DNAI1: variants seen among roughly 807,000 people sequenced by gnomAD.
DNAI1 encodes dynein axonemal intermediate chain 1.
A neutral mutation model predicts 92.0 loss-of-function variants in DNAI1; 67 were observed. The observed-to-expected ratio is 0.73, with a 90% CI of 0.60 to 0.89. The LOEUF (loss-of-function observed/expected upper bound fraction) is 0.89. Among genes scored for constraint, DNAI1 ranks in the 40% least tolerant of loss-of-function variants. The pLI, the probability that DNAI1 is intolerant of heterozygous loss-of-function variation, is 0.00. For missense variants in DNAI1, 839 were observed against 866.6 expected (o/e 0.97, Z 0.40); for synonymous variants, 323 against 319.6 (o/e 1.01, Z -0.11).
At chr9:34,508,633 G>T (rs1564040213) in intron 13 of DNAI1, among the ~76,000 whole-genome samples, 1 of 152,116 alleles carries the variant, frequency 6.6e-6, no homozygotes, top group Admixed American at 6.5e-5. Flanking sequence ...AGCATCTCTG[G>T]TTGGCCTGAC....
rs1345403701 is a variant in DNAI1, at chr9:34,514,466, TG to T, written c.1644del (p.Trp548Ter). 2 of 1,614,130 alleles carry T rather than the reference TG, an allele frequency of 1.2e-6. No homozygotes were observed. Among genetic ancestry groups the T allele is most frequent in the Non-Finnish European group, 1.7e-6 (2 of 1,180,052 alleles). On this transcript the variant is annotated frameshift_variant, in exon 17 of 20. Coordinates refer to ENST00000242317, the MANE Select transcript of DNAI1 (RefSeq NM_012144.4). LOFTEE classifies it high-confidence loss of function. ...AHNMSVDTVS[W>X]NPYHTKVFMS... ...CAACATGTCAGTGGACACTGTGTCC[TG>T]GAACCCATACCACACCAAGGTCTTC...
In DNAI1 at chr9:34,506,864, C is replaced by T; in HGVS notation, c.1301C>T (p.Pro434Leu). The change falls in exon 13 of 20, where the codon CCT becomes CTT. Residue 434 changes from proline to leucine, a missense_variant. Transcript: ENST00000242317. ...SSAKSGKHSD[P>L]VWQVKWQKDD... ...GCCAAGTCTGGCAAGCACTCAGACC[C>T]TGTGTGGCAGGTCAGCAACCAGGCT... is the stretch of plus-strand genomic sequence containing the variant. 1 of 1,614,000 alleles carries T rather than the reference C, an allele frequency of 6.2e-7. No homozygotes were observed. Among genetic ancestry groups the T allele is most frequent in the Non-Finnish European group, 8.5e-7 (1 of 1,180,002 alleles).
chr9:34,476,586 G>A (rs1401304690), intron 1 of DNAI1, among the ~76,000 whole-genome samples: 2 of 152,314 alleles, frequency 1.3e-5, no homozygotes, highest in East Asian at 3.9e-4. Flanking sequence ...GGGGTTAAAG[G>A]CCCAGAGAGG....
At chr9:34,516,056 T>G (rs772389931) in intron 18 of DNAI1, among the ~76,000 whole-genome samples, 2 of 152,188 alleles carry the variant, frequency 1.3e-5, no homozygotes, top group Admixed American at 6.5e-5. Context: ...CAGGAAAGGC[T>G]TCTTTGAAGA....
intron 4 of DNAI1, chr9:34,489,070 GT>G: frequency 2.4e-6 from 1 of 423,372 alleles, no homozygotes; most frequent in South Asian, 2.1e-5. Flanking sequence ...GCCACTTGAG[GT>G]TGGAAAGGCA....
chr9:34,469,187 A>G (rs1199088628), intron 1 of DNAI1, among the ~76,000 whole-genome samples: 1 of 152,034 alleles, frequency 6.6e-6, no homozygotes, highest in Non-Finnish European at 1.5e-5. Context: ...CAAATTGCAT[A>G]CAGGGAAACA....
intron 9 of DNAI1, among the ~76,000 whole-genome samples, chr9:34,493,558 C>G (rs1824656743): frequency 6.6e-6 from 1 of 151,630 alleles, no homozygotes; most frequent in Non-Finnish European, 1.5e-5. Flanking sequence ...AGCAGTATTT[C>G]AGAATTATTG....
chr9:34,493,146 G>C, intron 8 of DNAI1, 48 bp from the exon 9 acceptor site: 1 of 1,613,914 alleles, frequency 6.2e-7, no homozygotes, highest in Non-Finnish European at 8.5e-7. Flanking sequence ...AGCTGTCTGG[G>C]TAAAGATTGC....
In DNAI1 at chr9:34,520,719, T is replaced by C; in HGVS notation, c.2063T>C (p.Leu688Pro). The part of the protein sequence containing the change: ...PAVEIAKLDK[L>P]LNLVREVKIK... ...GTGGAGATTGCGAAACTGGACAAACTGCTGAACCTGGTGAGGGAAGTGAAA... is the reference window on the plus strand; with the variant it reads ...GTGGAGATTGCGAAACTGGACAAACCGCTGAACCTGGTGAGGGAAGTGAAA... Residue 688 changes from leucine (L) to proline (P), a missense_variant, in exon 20 of 20, where the codon CTG becomes CCG. Transcript: ENST00000242317. 6.4e-7 allele frequency: 1 copy of C among 1,551,648 alleles called. No homozygotes were observed. The highest frequency in any genetic ancestry group is 8.7e-7 in the Non-Finnish European group (1 of 1,146,984).
intron 12 of DNAI1, among the ~76,000 whole-genome samples, chr9:34,506,401 C>G (rs1234073486): frequency 6.6e-6 from 1 of 152,184 alleles, no homozygotes; most frequent in Non-Finnish European, 1.5e-5. Context: ...TAAACCTGGT[C>G]ACCTTGATTG....
In DNAI1 at chr9:34,465,185, T is replaced by C. The variant is rs545127737; in HGVS notation, c.48+6132T>C. 2.0e-5 allele frequency among the ~76,000 whole-genome samples: 3 copies of C among 152,340 alleles called. 1 individual carries two copies. The South Asian group carries it at 6.2e-4, about 32-fold the overall frequency. On this transcript the variant is annotated intron_variant, in intron 1 of 19. Transcript: ENST00000242317. Reference sequence around the variant, plus strand: ...TGAGCTAAGAAGGCAGTAAGAACTATGTAGGCAAAGATTGTTTTTTTAAGA... The same window carrying C: ...TGAGCTAAGAAGGCAGTAAGAACTACGTAGGCAAAGATTGTTTTTTTAAGA...
At chr9:34,509,276 G>T (rs982737433) in intron 13 of DNAI1, among the ~76,000 whole-genome samples, 1 of 152,120 alleles carries the variant, frequency 6.6e-6, no homozygotes, top group Non-Finnish European at 1.5e-5. Flanking sequence ...GTACAAAGGG[G>T]TCACATGTGC....
chr9:34,491,586 C>G, intron 8 of DNAI1, 32 bp downstream of exon 8: 3 of 1,612,172 alleles, frequency 1.9e-6, no homozygotes, highest in Non-Finnish European at 2.5e-6. Flanking sequence ...AAACCTCTTA[C>G]CACCCACCTC....
At chr9:34,507,631 A>G (rs1824964085) in intron 13 of DNAI1, among the ~76,000 whole-genome samples, 2 of 152,202 alleles carry the variant, frequency 1.3e-5, no homozygotes, top group Admixed American at 6.5e-5. Flanking sequence ...ATGTTGGTCA[A>G]GGGTCAACTG....
At chr9:34,486,419 C>T (rs1305584597) in intron 4 of DNAI1, among the ~76,000 whole-genome samples, 1 of 151,918 alleles carries the variant, frequency 6.6e-6, no homozygotes, top group African/African-American at 2.4e-5. Context: ...TTGTCTGACT[C>T]CAAAGCAACA....
intron 18 of DNAI1, among the ~76,000 whole-genome samples, chr9:34,515,984 TGAAAAAGAAAAAAA>T (rs1046885705): frequency 2.8e-4 from 42 of 151,632 alleles, no homozygotes; most frequent in African/African-American, 9.9e-4. Flanking sequence ...GGCCAGGCAA[TGAAAAAGAAAAAAA>T]GAAAAAGAAA....
chr9:34,491,863 T>C (rs1824606257), intron 8 of DNAI1, among the ~76,000 whole-genome samples: 1 of 152,174 alleles, frequency 6.6e-6, no homozygotes, highest in South Asian at 2.1e-4. Context: ...TTCGATGGAC[T>C]CTCTGGAACC....
At chr9:34,485,019 T>C in intron 2 of DNAI1, 123 bp from the exon 3 acceptor site, 1 of 916,430 alleles carries the variant, frequency 1.1e-6, no homozygotes, top group Non-Finnish European at 1.8e-6. Context: ...TGTTATACAT[T>C]TTGTATTCTA....
chr9:34,469,857 G>A (rs1824106819), intron 1 of DNAI1, among the ~76,000 whole-genome samples: 1 of 152,186 alleles, frequency 6.6e-6, no homozygotes, highest in African/African-American at 2.4e-5. Flanking sequence ...TGAGATTACA[G>A]GCGTGAGCCA....
Sources: allele counts gnomAD v4.1 joint callset (sites outside exome capture counted in the v4.1 genomes callset), GRCh38; gene constraint gnomAD v4.1.1; transcripts MANE v1.5; gene names NCBI Gene and HGNC (gene_info 2026-07-23, HGNC 2026-07-21).